The following ASPRV1 variants were observed in gnomAD, a reference collection of about 807,000 sequenced individuals.
ASPRV1 encodes the protein retroviral-like aspartic protease 1.
ASPRV1 carries 7 observed loss-of-function variants against 11.0 expected under a neutral mutation model. The ratio of observed to expected loss-of-function variants is 0.64; its 90% CI spans 0.36 to 1.20. The LOEUF (loss-of-function observed/expected upper bound fraction) is 1.20, where lower values mean the gene tolerates loss of function less well. ASPRV1 is among the 50% of genes most tolerant of loss of function. ASPRV1 has a pLI of 0.02. For synonymous variants in ASPRV1, 136 were observed against 138.4 expected (o/e 0.98, Z 0.12); for missense variants, 299 against 320.0 (o/e 0.93, Z 0.50).
chr2:69,990,956 G>A, the ASPRV1 span, among the ~76,000 whole-genome samples: 1 of 152,142 alleles, frequency 6.6e-6, no homozygotes, highest in South Asian at 2.1e-4. Context: ...CCTTTGGCAG[G>A]GAACTCCGCA....
the ASPRV1 span, among the ~76,000 whole-genome samples, chr2:70,052,238 C>A: frequency 6.6e-6 from 1 of 152,010 alleles, no homozygotes; most frequent in African/African-American, 2.4e-5. Context: ...GAAGACCCCA[C>A]TGATAACAGA....
chr2:70,062,251 G>C, the ASPRV1 span, among the ~76,000 whole-genome samples: 1 of 152,094 alleles, frequency 6.6e-6, no homozygotes, highest in Non-Finnish European at 1.5e-5. Context: ...ATTGCAGTGA[G>C]CCAAGATCGT....
the ASPRV1 span, among the ~76,000 whole-genome samples, chr2:69,972,464 T>C: frequency 2.0e-5 from 3 of 150,708 alleles, no homozygotes; most frequent in South Asian, 2.1e-4. Flanking sequence ...TTCAAGTGAT[T>C]CTCCTGCCTC....
chr2:69,943,523 AC>A, the ASPRV1 span, among the ~76,000 whole-genome samples: 1 of 152,154 alleles, frequency 6.6e-6, no homozygotes, highest in Non-Finnish European at 1.5e-5. Context: ...TGTGGCCTGG[AC>A]CTGGGGCATG....
chr2:70,039,709 A>C, the ASPRV1 span, among the ~76,000 whole-genome samples: 3 of 152,222 alleles, frequency 2.0e-5, no homozygotes, highest in Non-Finnish European at 4.4e-5. Context: ...GGGTGGCCTT[A>C]GTCAACTCTC....
chr2:70,044,781 T>G, the ASPRV1 span, among the ~76,000 whole-genome samples: 1 of 152,198 alleles, frequency 6.6e-6, no homozygotes, highest in African/African-American at 2.4e-5. Context: ...ATTTACTCAG[T>G]AATCATTCAC....
downstream of ASPRV1, among the ~76,000 whole-genome samples, chr2:69,957,581 C>T (rs1048713422): frequency 2.0e-5 from 3 of 151,580 alleles, no homozygotes; most frequent in Admixed American, 1.3e-4. Context: ...GCTTTTCAAA[C>T]TCTTATGTCC....
the ASPRV1 span, chr2:69,938,225 A>G: frequency 6.2e-7 from 1 of 1,614,106 alleles, no homozygotes. Flanking sequence ...GGGCTATTCC[A>G]GCACCAGCAT....
At chr2:69,950,732 A>T in the ASPRV1 span, among the ~76,000 whole-genome samples, 1 of 151,992 alleles carries the variant, frequency 6.6e-6, no homozygotes, top group African/African-American at 2.4e-5. Context: ...AGTCCCAGCT[A>T]TTCTGGAGGC....
At chr2:70,039,370 A>G in the ASPRV1 span, among the ~76,000 whole-genome samples, 1 of 152,210 alleles carries the variant, frequency 6.6e-6, no homozygotes, top group African/African-American at 2.4e-5. Context: ...AATTCAATGG[A>G]AGCAAGAGCT....
At chr2:70,040,722 T>C in the ASPRV1 span, among the ~76,000 whole-genome samples, 1 of 152,002 alleles carries the variant, frequency 6.6e-6, no homozygotes, top group African/African-American at 2.4e-5. Context: ...TAATCTGACC[T>C]ACTCGGGAGG....
chr2:70,039,373 C>G, the ASPRV1 span, among the ~76,000 whole-genome samples: 2 of 152,190 alleles, frequency 1.3e-5, no homozygotes, highest in South Asian at 4.1e-4. Context: ...TCAATGGAAG[C>G]AAGAGCTCAA....
the ASPRV1 span, chr2:70,031,387 AGGAGG>A: frequency 6.6e-6 from 1 of 152,062 alleles, no homozygotes; most frequent in Non-Finnish European, 1.5e-5. Flanking sequence ...AATTTTCAAA[AGGAGG>A]GGTAAAAAAA....
the ASPRV1 span, among the ~76,000 whole-genome samples, chr2:69,982,597 G>A: frequency 6.6e-6 from 1 of 152,176 alleles, no homozygotes; most frequent in Non-Finnish European, 1.5e-5. Context: ...AAAGGGAGAG[G>A]TTGGCGGCAA....
chr2:70,058,501 CA>C, the ASPRV1 span, among the ~76,000 whole-genome samples: 1 of 152,058 alleles, frequency 6.6e-6, no homozygotes, highest in Non-Finnish European at 1.5e-5. Context: ...GTCAGCCTAC[CA>C]AAGTGCTACA....
upstream of ASPRV1, chr2:69,962,314 C>T (rs1678153320): frequency 6.1e-6 from 1 of 163,440 alleles, no homozygotes. Flanking sequence ...AGAGGGGTGG[C>T]CAAGCAACTC....
chr2:70,041,549 A>T, the ASPRV1 span, among the ~76,000 whole-genome samples: 1 of 152,202 alleles, frequency 6.6e-6, no homozygotes. Flanking sequence ...TTTATGTCAT[A>T]CTCATTCCAT....
At chr2:69,951,035 C>T in the ASPRV1 span, among the ~76,000 whole-genome samples, 2 of 151,984 alleles carry the variant, frequency 1.3e-5, no homozygotes, top group Non-Finnish European at 1.5e-5. Flanking sequence ...AAAATACATT[C>T]ATATGAGTGT....
At chr2:70,074,029 G>A in the ASPRV1 span, among the ~76,000 whole-genome samples, 1 of 149,376 alleles carries the variant, frequency 6.7e-6, no homozygotes, top group African/African-American at 2.5e-5. Context: ...AGCTACTCGG[G>A]AGGGTGAGGC....
Sources: allele counts gnomAD v4.1 joint callset (sites outside exome capture counted in the v4.1 genomes callset), GRCh38; gene constraint gnomAD v4.1.1; transcripts MANE v1.5; gene names NCBI Gene and HGNC (gene_info 2026-07-23, HGNC 2026-07-21).